Variants in ARG2 observed in about 807,000 individuals in gnomAD.
The protein encoded by ARG2 is arginase-2, mitochondrial.
In ARG2, 21 loss-of-function variants were observed where a neutral mutation model predicts 39.4. The observed-to-expected ratio is 0.53, with a 90% confidence interval of 0.38 to 0.77. ARG2 has a LOEUF of 0.77. Ranked by LOEUF, ARG2 falls within the 30% of genes least tolerant of loss-of-function variation. The pLI is 0.00. For missense variants in ARG2, 378 were observed against 426.2 expected, an observed-to-expected ratio of 0.89 and a Z score of 1.00; for synonymous variants, 150 against 156.7, an observed-to-expected ratio of 0.96 and a Z score of 0.32.
chr14:67,626,017 G>T (rs961319430), intron 2 of ARG2, among the ~76,000 whole-genome samples: 26 of 152,296 alleles, frequency 1.7e-4, no homozygotes, highest in African/African-American at 4.6e-4. Context: ...ACTTTGGGAG[G>T]CTGAGGCGGG....
chr14:67,635,211 T>G (rs2140745618), intron 2 of ARG2, among the ~76,000 whole-genome samples: 2 of 152,264 alleles, frequency 1.3e-5, no homozygotes, highest in South Asian at 4.1e-4. Flanking sequence ...GCCACTGCAC[T>G]CCAGCCTGAG....
chr14:67,625,680 CAA>C (rs1176476000), intron 2 of ARG2, among the ~76,000 whole-genome samples: 2 of 32,110 alleles, frequency 6.2e-5, no homozygotes, highest in Admixed American at 3.6e-4. Flanking sequence ...AACTCCATCT[CAA>C]AAAAAAAAAA....
In ARG2 at chr14:67,647,111, T is replaced by C. The variant is rs533251976; in HGVS notation, c.722+86T>C. On this transcript the variant is annotated intron_variant, in intron 6 of 7. Coordinates refer to ENST00000261783, the MANE Select transcript of ARG2 (RefSeq NM_001172.4). ...TTCTTGAGGACAGCAGCTTTACTTT[T>C]AAAATACAAAGCAAAAACATACACA... 626 of 892,134 alleles carry C rather than the reference T, an allele frequency of 7.0e-4. 8 individuals are homozygous for C. The South Asian group carries it at 9.2e-3, about 13-fold the overall frequency. The allele number at this position is 892,134 out of a possible 1,614,324, so 55.3% of individuals were successfully genotyped here.
chr14:67,643,779 AG>A (rs942209958), intron 3 of ARG2, among the ~76,000 whole-genome samples: 3 of 150,442 alleles, frequency 2.0e-5, no homozygotes, highest in Non-Finnish European at 2.9e-5. Context: ...GTGCTGAGAA[AG>A]CTTTTCAGAT....
chr14:67,646,170 GT>G (rs1455086938), intron 4 of ARG2, among the ~76,000 whole-genome samples: 1 of 152,196 alleles, frequency 6.6e-6, no homozygotes, highest in Non-Finnish European at 1.5e-5. Flanking sequence ...GGGAGTCCAT[GT>G]TAGGCACAGA....
At chr14:67,625,304 C>T (rs1594821843) in intron 2 of ARG2, among the ~76,000 whole-genome samples, 1 of 152,242 alleles carries the variant, frequency 6.6e-6, no homozygotes, top group Middle Eastern at 3.4e-3. Context: ...GGTTTCTTAG[C>T]TATCCCATCA....
At chr14:67,636,065 A>G (rs2036968737) in intron 2 of ARG2, among the ~76,000 whole-genome samples, 4 of 152,028 alleles carry the variant, frequency 2.6e-5, no homozygotes, top group African/African-American at 9.7e-5. Flanking sequence ...CATATTTAGA[A>G]ACAATTTGGA....
intron 2 of ARG2, 96 bp from the exon 3 acceptor site, chr14:67,642,090 T>C (rs998140397): frequency 2.7e-5 from 32 of 1,165,976 alleles, no homozygotes; most frequent in Non-Finnish European, 4.0e-5. Flanking sequence ...ATGATTATGA[T>C]GTGTACTTTG....
chr14:67,637,229 G>A (rs2036981005), intron 2 of ARG2, among the ~76,000 whole-genome samples: 1 of 151,636 alleles, frequency 6.6e-6, no homozygotes, highest in Non-Finnish European at 1.5e-5. Context: ...GACCAACATG[G>A]CGAAACCTCG....
chr14:67,637,252 C>G (rs1482491988), intron 2 of ARG2, among the ~76,000 whole-genome samples: 1 of 151,314 alleles, frequency 6.6e-6, no homozygotes, highest in East Asian at 1.9e-4. Context: ...TCTACTAAAA[C>G]TACAAAAATT....
chr14:67,641,993 A>G (rs918253769), intron 2 of ARG2, among the ~76,000 whole-genome samples, 193 bp from the exon 3 acceptor site: 3 of 152,186 alleles, frequency 2.0e-5, no homozygotes, highest in African/African-American at 7.2e-5. Context: ...TCTTAGTTTC[A>G]GTTTCCAACA....
In ARG2 at chr14:67,645,760, T is replaced by G. The variant is rs1340195780; in HGVS notation, c.480T>G (p.His160Gln). ...TPLTTSSGNL[H>Q]GQPVSFLLRE... The stretch of plus-strand genomic sequence containing the variant: ...TTACCACTTCATCAGGAAATCTCCA[T>G]GGACAGCCAGTTTCATTTCTCCTCA... Residue 160 changes from histidine to glutamine, a missense_variant, in exon 4 of 8, where the codon CAT becomes CAG. Transcript: ENST00000261783. 1 of 1,614,040 alleles carries G rather than the reference T, an allele frequency of 6.2e-7. No individual in the cohort carries two copies. The highest frequency in any genetic ancestry group is 2.2e-5 in the East Asian group (1 of 44,864).
At chr14:67,621,799 T>A (rs1325660249) in intron 2 of ARG2, among the ~76,000 whole-genome samples, 2 of 151,496 alleles carry the variant, frequency 1.3e-5, no homozygotes, top group Non-Finnish European at 2.9e-5. Context: ...CAGCACCAAA[T>A]TTGAATACCT....
intron 3 of ARG2, among the ~76,000 whole-genome samples, chr14:67,644,684 A>G (rs1256730984): frequency 1.3e-5 from 2 of 152,198 alleles, no homozygotes; most frequent in East Asian, 3.8e-4. Context: ...GGAAAGGCAA[A>G]AACAGAAATA....
chr14:67,637,929 C>A (rs904226926), intron 2 of ARG2, among the ~76,000 whole-genome samples: 1 of 152,212 alleles, frequency 6.6e-6, no homozygotes, highest in Non-Finnish European at 1.5e-5. Context: ...GTGCCACTTT[C>A]AGGCCAGAGT....
In ARG2 at chr14:67,647,014, G is replaced by A. The variant is rs758630775; in HGVS notation, c.711G>A (p.Leu237=). The A allele has an allele frequency of 1.9e-6, 3 of 1,608,716 alleles. No individual in the cohort carries two copies. The East Asian group carries it at 6.7e-5, about 36-fold the overall frequency. ...AGGTCATGGAACGAACATTTGATCT[G>A]CTGATTGGCAAGTAAGTAACTATAA... ...IQKVMERTFD[L]LIGKRQRPIH... Residue 237 remains leucine, a synonymous_variant, in exon 6 of 8, where the codon CTG becomes CTA. Coordinates refer to ENST00000261783, the MANE Select transcript of ARG2 (RefSeq NM_001172.4).
At chr14:67,625,720 C>A (rs1594822048) in intron 2 of ARG2, among the ~76,000 whole-genome samples, 6 of 125,878 alleles carry the variant, frequency 4.8e-5, no homozygotes, top group South Asian at 2.9e-4. Flanking sequence ...AAGACTTCAT[C>A]AATGTAATGA....
intron 2 of ARG2, among the ~76,000 whole-genome samples, chr14:67,625,242 A>T (rs191927055): frequency 2.6e-5 from 4 of 152,208 alleles, no homozygotes; most frequent in African/African-American, 9.6e-5. Context: ...CTGAAACCAT[A>T]TAACTGTTAG....
rs897141027 is a variant in ARG2, at chr14:67,647,411, T to C, written c.722+386T>C. On this transcript the variant is annotated intron_variant, in intron 6 of 7. Coordinates refer to ENST00000261783, the MANE Select transcript of ARG2 (RefSeq NM_001172.4). ...TGGCAGATGAATACTAATCAAATGG[T>C]AATTTTAAGAGCATTTTCCCAATAC... 3.0e-5 allele frequency: 5 copies of C among 167,258 alleles called. 1 individual carries two copies. Among genetic ancestry groups the C allele is most frequent in the Admixed American group, 2.5e-4 (4 of 16,284 alleles). The allele number at this position is 167,258 out of a possible 1,614,324, so 10.4% of individuals were successfully genotyped here. A position where few individuals can be genotyped will look rare whatever the true frequency, so the allele number is the denominator to read the frequency against.
Sources: allele counts gnomAD v4.1 joint callset (sites outside exome capture counted in the v4.1 genomes callset), GRCh38; gene constraint gnomAD v4.1.1; transcripts MANE v1.5; gene names NCBI Gene and HGNC (gene_info 2026-07-23, HGNC 2026-07-21).